TSPAN9: variants seen among roughly 807,000 people sequenced by gnomAD.
TSPAN9 encodes tetraspanin 9, also known as tetraspanin-9.
Under a neutral mutation model 31.0 loss-of-function variants are expected in TSPAN9, and 16 were observed. That is an observed-to-expected ratio of 0.52 (90% CI 0.35 to 0.78). The LOEUF is 0.78. Among genes scored for constraint, TSPAN9 ranks in the 30% least tolerant of loss-of-function variants. TSPAN9 has a pLI of 0.01. For missense variants in TSPAN9, 272 were observed against 312.5 expected, an observed-to-expected ratio of 0.87 and a Z score of 0.98; for synonymous variants, 145 against 121.6, an observed-to-expected ratio of 1.19 and a Z score of -1.27.
intron 3 of TSPAN9, among the ~76,000 whole-genome samples, chr12:3,263,270 G>A (rs1163874191): frequency 2.0e-5 from 3 of 152,232 alleles, no homozygotes; most frequent in African/African-American, 7.2e-5. Flanking sequence ...TTTTATAGGT[G>A]GGAAAACCAA....
At chr12:3,220,635 A>G (rs2098383984) in intron 3 of TSPAN9, among the ~76,000 whole-genome samples, 1 of 152,206 alleles carries the variant, frequency 6.6e-6, no homozygotes. Context: ...CCTGGGACCC[A>G]CTGGAGGACC....
Position 3,279,039 on chromosome 12 carries a change from C to T in TSPAN9, c.303C>T (p.Leu101=), listed in dbSNP as rs780008073. 1 of 1,614,188 alleles carries T rather than the reference C, an allele frequency of 6.2e-7. No homozygotes were observed. Among genetic ancestry groups the T allele is most frequent in the Non-Finnish European group, 8.5e-7 (1 of 1,180,026 alleles). ...TCCTCCTAGCAGAGCTGATCTTACT[C>T]ATCCTCTTCTTTGTCTACATGGACA... is the stretch of plus-strand genomic sequence containing the variant. ...LVILLAELIL[L]ILFFVYMDKV... is the part of the protein sequence containing the mutation. Residue 101 remains leucine, a synonymous_variant, in exon 5 of 9, where the codon CTC becomes CTT. Coordinates refer to ENST00000011898, the MANE Select transcript of TSPAN9 (RefSeq NM_006675.5).
At chr12:3,189,006 C>T (rs746716592) in intron 2 of TSPAN9, among the ~76,000 whole-genome samples, 6 of 152,134 alleles carry the variant, frequency 3.9e-5, no homozygotes, top group Admixed American at 1.3e-4. Context: ...CGCAGAGGAG[C>T]GCGGGTGAGC....
chr12:3,109,218 G>C (rs1043000030), intron 2 of TSPAN9, among the ~76,000 whole-genome samples: 5 of 151,210 alleles, frequency 3.3e-5, no homozygotes, highest in African/African-American at 1.2e-4. Context: ...TTACAGGTGT[G>C]AGCCACCGCT....
At position 3,168,616 on chromosome 12, in the gene TSPAN9, A is replaced by T. The variant is rs1354215133; in HGVS notation, c.-17-32561A>T. On this transcript the variant is annotated intron_variant, in intron 2 of 8. Transcript: ENST00000011898. The surrounding 1 kb of genome is among the most constrained non-coding windows in gnomAD (Gnocchi z 4.0). ...TGTGAGTCATTGTCACTTGCTTGTG[A>T]AGTGCTGCATCCAATCTCTTTACGA... 1.3e-5 allele frequency among the ~76,000 whole-genome samples: 2 copies of T among 152,116 alleles called. No homozygotes were observed. Among genetic ancestry groups the T allele is most frequent in the African/African-American group, 2.4e-5 (1 of 41,398 alleles).
chr12:3,142,893 C>A (rs556267929), intron 2 of TSPAN9, among the ~76,000 whole-genome samples: 3 of 152,198 alleles, frequency 2.0e-5, no homozygotes, highest in Non-Finnish European at 4.4e-5. Context: ...GTACCAGGAG[C>A]CTCCATTGCG....
At chr12:3,188,482 G>A (rs2098362674) in intron 2 of TSPAN9, among the ~76,000 whole-genome samples, 1 of 152,126 alleles carries the variant, frequency 6.6e-6, no homozygotes, top group African/African-American at 2.4e-5. Context: ...CAGAGGAAGG[G>A]AGGGGGCAGC....
intron 3 of TSPAN9, among the ~76,000 whole-genome samples, chr12:3,257,697 C>G (rs1208325918): frequency 6.6e-6 from 1 of 150,816 alleles, no homozygotes; most frequent in Non-Finnish European, 1.5e-5. Flanking sequence ...CTGTCCTGTT[C>G]TCACACCCTT....
chr12:3,252,477 C>G (rs78560707), intron 3 of TSPAN9, among the ~76,000 whole-genome samples: 5 of 152,240 alleles, frequency 3.3e-5, no homozygotes, highest in Non-Finnish European at 5.9e-5. Flanking sequence ...GGGCTCCCCC[C>G]AGCCCCATGC....
At chr12:3,264,092 G>A (rs994598676) in intron 3 of TSPAN9, among the ~76,000 whole-genome samples, 4 of 152,316 alleles carry the variant, frequency 2.6e-5, no homozygotes, top group African/African-American at 9.6e-5. Flanking sequence ...ACTTGGGACC[G>A]TTACTTTGGC....
Position 3,143,310 on chromosome 12 carries a change from C to T in TSPAN9, c.-17-57867C>T, listed in dbSNP as rs998413973. On this transcript the variant is annotated intron_variant, in intron 2 of 8. Coordinates refer to ENST00000011898, the MANE Select transcript of TSPAN9 (RefSeq NM_006675.5). The surrounding 1 kb of genome is among the most constrained non-coding windows in gnomAD (Gnocchi z 4.2). Reference sequence around the variant, plus strand: ...ATAATTATATTAATTATAATTAATACACCATTAATGTCTTGAGGGCAGGCA... The same window carrying T: ...ATAATTATATTAATTATAATTAATATACCATTAATGTCTTGAGGGCAGGCA... Among the ~76,000 whole-genome samples the T allele has an allele frequency of 7.5e-5, 11 of 146,986 alleles. No homozygotes were observed. Among genetic ancestry groups the T allele is most frequent in the African/African-American group, 2.3e-4 (9 of 38,726 alleles).
At chr12:3,152,812 T>C (rs1418912513) in intron 2 of TSPAN9, among the ~76,000 whole-genome samples, 3 of 152,220 alleles carry the variant, frequency 2.0e-5, no homozygotes, top group Non-Finnish European at 4.4e-5. Context: ...GGTCTTGAAC[T>C]CCTGACCTCA....
chr12:3,148,320 T>C (rs913989505), intron 2 of TSPAN9, among the ~76,000 whole-genome samples: 10 of 152,216 alleles, frequency 6.6e-5, no homozygotes, highest in African/African-American at 2.4e-5. Flanking sequence ...ATCAAAGCCA[T>C]TGGGCATTTT....
chr12:3,211,324 T>G (rs2098378581), intron 3 of TSPAN9, among the ~76,000 whole-genome samples: 1 of 152,244 alleles, frequency 6.6e-6, no homozygotes, highest in African/African-American at 2.4e-5. Context: ...TCTTTTCCAC[T>G]GGACTGTTTG....
Position 3,192,811 on chromosome 12 carries a change from G to A in TSPAN9, c.-17-8366G>A, listed in dbSNP as rs185440280. On this transcript the variant is annotated intron_variant, in intron 2 of 8. Coordinates refer to ENST00000011898, the MANE Select transcript of TSPAN9 (RefSeq NM_006675.5). This position sits in a 1 kb window ranked among gnomAD's most constrained non-coding sequence, Gnocchi z 4.6. Reference sequence around the variant, plus strand: ...GGCCTCCCTGAGGAGGAGGAGGAGGGCAGCCAGCATTTCCCTTAGAATTTC... The same window carrying A: ...GGCCTCCCTGAGGAGGAGGAGGAGGACAGCCAGCATTTCCCTTAGAATTTC... 6.6e-6 allele frequency among the ~76,000 whole-genome samples: 1 copy of A among 152,188 alleles called. No homozygotes were observed. The highest frequency in any genetic ancestry group is 2.4e-5 in the African/African-American group (1 of 41,532).
chr12:3,222,931 C>T (rs544901109), intron 3 of TSPAN9, among the ~76,000 whole-genome samples: 4 of 142,062 alleles, frequency 2.8e-5, no homozygotes, highest in Non-Finnish European at 6.2e-5. Context: ...CATCCAGACC[C>T]GGGGAGCCAT....
chr12:3,081,844 G>GTA (rs57307487), intron 1 of TSPAN9, among the ~76,000 whole-genome samples: 25 of 116,734 alleles, frequency 2.1e-4, no homozygotes, highest in African/African-American at 8.0e-4. Flanking sequence ...GTCTGTGTGT[G>GTA]TATATATATG....
chr12:3,157,102 G>GTT (rs748785165), intron 2 of TSPAN9, among the ~76,000 whole-genome samples: 19 of 142,866 alleles, frequency 1.3e-4, no homozygotes, highest in African/African-American at 2.1e-4. Context: ...TGAATGTGGT[G>GTT]TTTTTTTTTT....
At chr12:3,270,102 G>A (rs1193418949) in intron 3 of TSPAN9, among the ~76,000 whole-genome samples, 1 of 152,108 alleles carries the variant, frequency 6.6e-6, no homozygotes, top group Non-Finnish European at 1.5e-5. Context: ...TGACAGCTTC[G>A]GCCCTACACC....
Sources: allele counts gnomAD v4.1 joint callset (sites outside exome capture counted in the v4.1 genomes callset), GRCh38; gene constraint gnomAD v4.1.1; non-coding constraint Gnocchi (gnomAD v3.1); transcripts MANE v1.5; gene names NCBI Gene and HGNC (gene_info 2026-07-23, HGNC 2026-07-21).